Variants in ASPH observed in about 807,000 individuals in gnomAD.
The protein encoded by ASPH is aspartyl/asparaginyl beta-hydroxylase.
Under a neutral mutation model 118.4 loss-of-function variants are expected in ASPH, and 100 were observed. The observed-to-expected ratio is 0.84, with a 90% CI of 0.72 to 1.00. The LOEUF (loss-of-function observed/expected upper bound fraction) is 1.00, where lower values mean the gene tolerates loss of function less well. Among genes scored for constraint, ASPH ranks in the 50% least tolerant of loss-of-function variants. ASPH has a pLI of 0.00. For synonymous variants in ASPH, 315 were observed against 325.6 expected, an observed-to-expected ratio of 0.97 and a Z score of 0.35; for missense variants, 920 against 919.5, an observed-to-expected ratio of 1.00 and a Z score of -0.01.
intron 21 of ASPH, among the ~76,000 whole-genome samples, chr8:61,535,791 G>C (rs1362683771): frequency 6.6e-6 from 1 of 152,218 alleles, no homozygotes; most frequent in Non-Finnish European, 1.5e-5. Flanking sequence ...ACGAGTAGCA[G>C]TGTAATCTGC....
intron 1 of ASPH, among the ~76,000 whole-genome samples, chr8:61,700,503 G>A (rs1834980839): frequency 6.6e-6 from 1 of 152,194 alleles, no homozygotes; most frequent in Admixed American, 6.5e-5. Context: ...TATCCCAACT[G>A]TGCACAACGA....
chr8:61,605,467 A>G (rs1252930419), intron 14 of ASPH, among the ~76,000 whole-genome samples: 1 of 152,222 alleles, frequency 6.6e-6, no homozygotes, highest in Non-Finnish European at 1.5e-5. Flanking sequence ...AAAAGCTCAG[A>G]GAGGCCAGGA....
At chr8:61,664,535 A>C (rs1236639275) in intron 3 of ASPH, 1 of 985,174 alleles carries the variant, frequency 1.0e-6, no homozygotes, top group African/African-American at 1.7e-5. Flanking sequence ...TATGTACTGG[A>C]TGATGGGAGA....
chr8:61,620,294 G>A (rs952703260), intron 13 of ASPH, among the ~76,000 whole-genome samples: 2 of 152,120 alleles, frequency 1.3e-5, no homozygotes, highest in Admixed American at 1.3e-4. Context: ...AGATGGCTGA[G>A]AAATTAGAGT....
Position 61,560,017 on chromosome 8 carries a change from G to A in ASPH, c.1437+2727C>T, listed in dbSNP as rs59326257. 2.4e-3 allele frequency among the ~76,000 whole-genome samples: 362 copies of A among 152,326 alleles called. 8 individuals are homozygous for A. In the East Asian group the frequency reaches 0.049, roughly 20 times the overall value. On this transcript the variant is annotated intron_variant, in intron 18 of 24. Coordinates refer to ENST00000379454, the MANE Select transcript of ASPH (RefSeq NM_004318.4). Reference sequence around the variant, plus strand: ...AGATGACGGGTGCTTTGGTTACAAAGGGAAGGGATTTGAAAGTTAATCAGA... The same window carrying A: ...AGATGACGGGTGCTTTGGTTACAAAAGGAAGGGATTTGAAAGTTAATCAGA...
chr8:61,713,053 G>A (rs1230705560), intron 1 of ASPH, among the ~76,000 whole-genome samples: 1 of 152,178 alleles, frequency 6.6e-6, no homozygotes, highest in Non-Finnish European at 1.5e-5. Flanking sequence ...AAGAACAAGT[G>A]AAAAAGGAAC....
intron 13 of ASPH, among the ~76,000 whole-genome samples, chr8:61,623,106 G>A (rs949357439): frequency 1.3e-5 from 2 of 152,110 alleles, no homozygotes; most frequent in African/African-American, 4.8e-5. Flanking sequence ...TATAAGGTGG[G>A]GCAGTAGTTC....
At chr8:61,707,875 T>C (rs1247726682) in intron 1 of ASPH, among the ~76,000 whole-genome samples, 1 of 152,162 alleles carries the variant, frequency 6.6e-6, no homozygotes, top group African/African-American at 2.4e-5. Context: ...TGTGTGTGTA[T>C]AGGTATATTT....
chr8:61,639,015 AT>A (rs976012452), intron 10 of ASPH, among the ~76,000 whole-genome samples: 6 of 152,122 alleles, frequency 3.9e-5, no homozygotes, highest in Non-Finnish European at 5.9e-5. Flanking sequence ...TTTCTTATTC[AT>A]TTAATAAAGA....
chr8:61,665,773 T>C (rs1819256257), intron 3 of ASPH, among the ~76,000 whole-genome samples: 1 of 152,170 alleles, frequency 6.6e-6, no homozygotes, highest in Non-Finnish European at 1.5e-5. Flanking sequence ...TAAAAATAGG[T>C]GCAAATCTCT....
At chr8:61,627,220 C>T (rs1375081834) in intron 13 of ASPH, among the ~76,000 whole-genome samples, 1 of 152,164 alleles carries the variant, frequency 6.6e-6, no homozygotes, top group African/African-American at 2.4e-5. Context: ...TCATTGTGTC[C>T]ATTAACAGTG....
chr8:61,540,220 T>A (rs901432093), intron 21 of ASPH, among the ~76,000 whole-genome samples: 2 of 152,302 alleles, frequency 1.3e-5, no homozygotes, highest in Non-Finnish European at 2.9e-5. Context: ...TATGTCCCCA[T>A]CCAAATCTCA....
chr8:61,704,392 A>AAAATGCTC (rs1836054889), intron 1 of ASPH, among the ~76,000 whole-genome samples: 1 of 151,952 alleles, frequency 6.6e-6, no homozygotes, highest in Admixed American at 6.6e-5. Flanking sequence ...AATTAATGTG[A>AAAATGCTC]AAATGCTCAT....
intron 21 of ASPH, among the ~76,000 whole-genome samples, chr8:61,537,377 A>T (rs1003607512): frequency 6.6e-6 from 1 of 152,158 alleles, no homozygotes; most frequent in African/African-American, 2.4e-5. Flanking sequence ...GCATATGCAC[A>T]TTTTTTCTAA....
At chr8:61,546,186 T>C (rs2130806667) in intron 21 of ASPH, among the ~76,000 whole-genome samples, 1 of 152,330 alleles carries the variant, frequency 6.6e-6, no homozygotes, top group Non-Finnish European at 1.5e-5. Flanking sequence ...AGGACAAAGC[T>C]GACCAAGGAG....
intron 3 of ASPH, among the ~76,000 whole-genome samples, chr8:61,670,795 T>C (rs888385138): frequency 6.7e-6 from 1 of 150,054 alleles, no homozygotes; most frequent in African/African-American, 2.5e-5. Flanking sequence ...CAAGAAACAA[T>C]AGCTCAAAAA....
intron 14 of ASPH, among the ~76,000 whole-genome samples, chr8:61,605,071 AGCTTTCCAAT>A (rs1845165016): frequency 6.6e-6 from 1 of 152,242 alleles, no homozygotes; most frequent in Non-Finnish European, 1.5e-5. Context: ...TTCCTCAAAT[AGCTTTCCAAT>A]ATTCTCATAA....
chr8:61,677,003 A>G (rs1044001852), intron 3 of ASPH, among the ~76,000 whole-genome samples: 1 of 152,152 alleles, frequency 6.6e-6, no homozygotes, highest in African/African-American at 2.4e-5. Context: ...AAACTCTGGC[A>G]ACTGACTCAT....
chr8:61,665,571 TCTC>T, intron 3 of ASPH: 1 of 1,595,848 alleles, frequency 6.3e-7, no homozygotes, highest in Middle Eastern at 1.7e-4. Flanking sequence ...GGTTTCTCTT[TCTC>T]CTTCTTGAGC....
Sources: allele counts gnomAD v4.1 joint callset (sites outside exome capture counted in the v4.1 genomes callset), GRCh38; gene constraint gnomAD v4.1.1; transcripts MANE v1.5; gene names NCBI Gene and HGNC (gene_info 2026-07-23, HGNC 2026-07-21).